The following ABCC2 variants were observed in gnomAD, a reference collection of about 807,000 sequenced individuals.
ABCC2 encodes the protein ATP-binding cassette sub-family C member 2.
ABCC2 carries 157 observed loss-of-function variants against 173.4 expected under a neutral mutation model. The ratio of observed to expected loss-of-function variants is 0.91; its 90% confidence interval spans 0.80 to 1.03. The LOEUF (loss-of-function observed/expected upper bound fraction) is 1.03. Ranked by LOEUF, ABCC2 falls within the 50% of genes least tolerant of loss-of-function variation. ABCC2 has a pLI of 0.00. For missense variants in ABCC2, 1,822 were observed against 1,852.3 expected, an observed-to-expected ratio of 0.98 and a Z score of 0.30; for synonymous variants, 657 against 693.5, an observed-to-expected ratio of 0.95 and a Z score of 0.83.
chr10:99,802,421 G>A (rs1326238045), intron 9 of ABCC2, among the ~76,000 whole-genome samples: 1 of 151,940 alleles, frequency 6.6e-6, no homozygotes, highest in East Asian at 1.9e-4. Context: ...CCCAGACAAG[G>A]GCTACTGGGA....
rs1340053840 is a variant in ABCC2, at chr10:99,814,300, T to C, written c.2094+1156T>C. Reference sequence around the variant, plus strand: ...ACGTATGTATACACACACGTATGTATACACACATGTATATACACACGTATG... The same window carrying C: ...ACGTATGTATACACACACGTATGTACACACACATGTATATACACACGTATG... On this transcript the variant is annotated intron_variant, in intron 16 of 31. Transcript: ENST00000647814. Among the ~76,000 whole-genome samples, 3 of 73,326 alleles carry C rather than the reference T, an allele frequency of 4.1e-5. 1 individual carries two copies. The highest frequency in any genetic ancestry group is 1.3e-4 in the African/African-American group (2 of 15,734). The allele number at this position is 73,326 out of a possible 152,430, so 48.1% of individuals were successfully genotyped here. A position where few individuals can be genotyped will look rare whatever the true frequency, so the allele number is the denominator to read the frequency against.
chr10:99,803,104 G>T (rs1219167456), intron 9 of ABCC2, among the ~76,000 whole-genome samples: 1 of 152,146 alleles, frequency 6.6e-6, no homozygotes, highest in African/African-American at 2.4e-5. Context: ...GAGCAGCTGG[G>T]ATTACAGGTT....
At chr10:99,784,922 T>A (rs2037680078) in intron 2 of ABCC2, 141 bp downstream of exon 2, 2 of 1,026,208 alleles carry the variant, frequency 1.9e-6, no homozygotes, top group Non-Finnish European at 2.9e-6. Flanking sequence ...GCTCAAGGTT[T>A]CCCTCACGGG....
intron 16 of ABCC2, among the ~76,000 whole-genome samples, chr10:99,814,231 G>GTA (rs1564683894): frequency 0.023 from 621 of 26,942 alleles, 127 homozygotes; most frequent in East Asian, 0.053. Flanking sequence ...ATACACACAT[G>GTA]TGTATATATG....
chr10:99,803,973 A>G (rs752633676), intron 9 of ABCC2, 46 bp from the exon 10 acceptor site: 2 of 1,613,192 alleles, frequency 1.2e-6, no homozygotes, highest in South Asian at 2.2e-5. Context: ...ACTCCCTAGT[A>G]TCCTTGGCTT....
At position 99,811,578 on chromosome 10, in the gene ABCC2, A is replaced by G. The variant is rs965012036; in HGVS notation, c.1943A>G (p.His648Arg). Residue 648 changes from histidine (H) to arginine (R), a missense_variant, in exon 15 of 32, where the codon CAT becomes CGT. Coordinates refer to ENST00000647814, the MANE Select transcript of ABCC2 (RefSeq NM_000392.5). Reference sequence around the variant, plus strand: ...TCTGAGGCCTCCTTTACCTGGGAACATGATTCGGAAGCCACAGTCCGAGAG... The same window carrying G: ...TCTGAGGCCTCCTTTACCTGGGAACGTGATTCGGAAGCCACAGTCCGAGAG... ...QFSEASFTWE[H>R]DSEATVRDVN... The G allele has an allele frequency of 3.1e-6, 5 of 1,614,006 alleles. No homozygotes were observed. The highest frequency in any genetic ancestry group is 4.2e-6 in the Non-Finnish European group (5 of 1,180,008).
At position 99,813,035 on chromosome 10, in the gene ABCC2, T is replaced by C. The variant is rs2038243497; in HGVS notation, c.1985T>C (p.Met662Thr). ...TCTTTCAGTGTGAACCTGGACATTA[T>C]GGCAGGCCAACTTGTGGCTGTGATA... is the stretch of plus-strand genomic sequence containing the variant. ...ATVRDVNLDIMAGQLVAVIGP... is the reference protein window; with the variant it reads ...ATVRDVNLDITAGQLVAVIGP... The change falls in exon 16 of 32, where the codon ATG (methionine) becomes ACG (threonine). Residue 662 changes from methionine to threonine, a missense_variant. Met to Thr is a moderately conservative substitution (Grantham distance 81). Coordinates refer to ENST00000647814, the MANE Select transcript of ABCC2 (RefSeq NM_000392.5). 1.9e-6 allele frequency: 3 copies of C among 1,614,024 alleles called. No homozygotes were observed. Among genetic ancestry groups the C allele is most frequent in the Non-Finnish European group, 2.5e-6 (3 of 1,179,896 alleles).
rs2039098559 is a variant in ABCC2, at chr10:99,852,526, AT to A, written c.*898del. Among the ~76,000 whole-genome samples, 1 of 151,980 alleles carries A rather than the reference AT, an allele frequency of 6.6e-6. No individual in the cohort carries two copies. Among genetic ancestry groups the A allele is most frequent in the South Asian group, 2.1e-4 (1 of 4,814 alleles). On this transcript the variant is annotated 3_prime_UTR_variant, in exon 32 of 32. Transcript: ENST00000647814. ...TGTTGGTTTTTACTCATGGTATTTT[AT>A]TTCCTTGTATGTCTTGTGAATTTTT...
chr10:99,811,607 G>C lies in ABCC2; in HGVS notation c.1967+5G>C. 6.2e-7 allele frequency: 1 copy of C among 1,614,084 alleles called. No individual in the cohort carries two copies. The highest frequency in any genetic ancestry group is 8.5e-7 in the Non-Finnish European group (1 of 1,179,978). On this transcript the variant is annotated splice_donor_5th_base_variant and intron_variant, in intron 15 of 31. Coordinates refer to ENST00000647814, the MANE Select transcript of ABCC2 (RefSeq NM_000392.5). Reference sequence around the variant, plus strand: ...TTCGGAAGCCACAGTCCGAGAGTGAGTTGCCTTCTTTCCATCCTAATGTTC... The same window carrying C: ...TTCGGAAGCCACAGTCCGAGAGTGACTTGCCTTCTTTCCATCCTAATGTTC...
At position 99,842,002 on chromosome 10, in the gene ABCC2, T is replaced by C. The variant is rs1283644213; in HGVS notation, c.3650T>C (p.Leu1217Pro). Residue 1217 changes from leucine to proline, a missense_variant, in exon 26 of 32, where the codon CTG (leucine) becomes CCG (proline). Leu to Pro is a moderately conservative substitution (Grantham distance 98). Transcript: ENST00000647814. ...LAIRLELVGN[L>P]TVFFSALMMV... is the part of the protein sequence containing the mutation. Reference sequence around the variant, plus strand: ...ATTCGCCTGGAGCTGGTTGGGAACCTGACTGTCTTCTTTTCAGCCTTGATG... The same window carrying C: ...ATTCGCCTGGAGCTGGTTGGGAACCCGACTGTCTTCTTTTCAGCCTTGATG... 5.0e-6 allele frequency: 8 copies of C among 1,614,224 alleles called. No individual in the cohort carries two copies. The highest frequency in any genetic ancestry group is 1.3e-5 in the African/African-American group (1 of 75,050).
chr10:99,813,124 C>T lies in ABCC2; in HGVS notation c.2074C>T (p.His692Tyr). 1.9e-6 allele frequency: 3 copies of T among 1,613,886 alleles called. No individual in the cohort carries two copies. The highest frequency in any genetic ancestry group is 2.5e-6 in the Non-Finnish European group (3 of 1,179,866). Reference protein sequence around the residue: ...SAMLGEMENVHGHITIKGTTA... With the variant: ...SAMLGEMENVYGHITIKGTTA... ...CATGCTGGGAGAAATGGAAAATGTC[C>T]ACGGGCACATCACCATCAAGGTGAG... The change falls in exon 16 of 32, where the codon CAC (histidine) becomes TAC (tyrosine). Residue 692 changes from histidine (H) to tyrosine (Y), a missense_variant. Transcript: ENST00000647814.
In ABCC2 at chr10:99,792,332, C is replaced by G. The variant is rs559908064; in HGVS notation, c.306C>G (p.Thr102=). 1 of 1,613,978 alleles carries G rather than the reference C, an allele frequency of 6.2e-7. No individual in the cohort carries two copies. Among genetic ancestry groups the G allele is most frequent in the African/African-American group, 1.3e-5 (1 of 74,932 alleles). The change falls in exon 3 of 32, where the codon ACC becomes ACG. Residue 102 remains threonine (T), a synonymous_variant. Coordinates refer to ENST00000647814, the MANE Select transcript of ABCC2 (RefSeq NM_000392.5). ...CCACAGTCCCTGCTGTTCGATATAC[C>G]AATCCAAGCCTCTACCTAGGCACAT... ...GQATVPAVRY[T]NPSLYLGTWL...
At chr10:99,825,831 C>T (rs761100809) in intron 19 of ABCC2, among the ~76,000 whole-genome samples, 2 of 152,140 alleles carry the variant, frequency 1.3e-5, no homozygotes, top group African/African-American at 4.8e-5. Flanking sequence ...GCTGCACTGC[C>T]GCTCGTGGCG....
rs761406918 is a variant in ABCC2 at position 99,843,868 on chromosome 10, C to T, written c.3811C>T (p.Arg1271Ter). ...EIETNIVAVE[R>*]ITEYTKVENE... ...AGAGACCAACATTGTGGCTGTTGAG[C>T]GAATAACTGAGTACACAAAAGTGGA... is the stretch of plus-strand genomic sequence containing the variant. The change falls in exon 27 of 32, where the codon CGA becomes TGA. Residue 1271 changes from arginine (R) to a stop codon, truncating the protein, a stop_gained. Transcript: ENST00000647814. LOFTEE classifies it high-confidence loss of function. 1.2e-5 allele frequency: 20 copies of T among 1,613,984 alleles called. No homozygotes were observed. The highest frequency in any genetic ancestry group is 3.3e-4 in the Middle Eastern group (2 of 6,062).
At chr10:99,784,902 G>A (rs1456870678) in intron 2 of ABCC2, 121 bp downstream of exon 2, 28 of 1,262,918 alleles carry the variant, frequency 2.2e-5, no homozygotes, top group Non-Finnish European at 2.6e-5. Flanking sequence ...ATTGTCTCAG[G>A]TAGAGCCAGG....
Position 99,814,213 on chromosome 10 carries a change from G to A in ABCC2, c.2094+1069G>A, listed in dbSNP as rs1395128666. Among the ~76,000 whole-genome samples, 9 of 54,618 alleles carry A rather than the reference G, an allele frequency of 1.6e-4. 1 individual carries two copies. Among genetic ancestry groups the A allele is most frequent in the Admixed American group, 5.4e-4 (3 of 5,600 alleles). 35.8% of individuals were successfully genotyped at this position (54,618 alleles called of 152,430 possible). ...CACACATGTGTATATATACACACAT[G>A]TGTATATATACACACATGTGTATAT... On this transcript the variant is annotated intron_variant, in intron 16 of 31. Transcript: ENST00000647814.
intron 2 of ABCC2, among the ~76,000 whole-genome samples, chr10:99,786,371 A>C (rs1211264746): frequency 6.6e-6 from 1 of 152,262 alleles, no homozygotes; most frequent in African/African-American, 2.4e-5. Context: ...ACATTTAATA[A>C]CATTCTCAGT....
At chr10:99,845,809 A>G in intron 29 of ABCC2, 27 bp downstream of exon 29, 1 of 1,598,166 alleles carries the variant, frequency 6.3e-7, no homozygotes, top group Non-Finnish European at 8.5e-7. Flanking sequence ...ACTCGGGCAC[A>G]TGCCGTGGGG....
intron 17 of ABCC2, among the ~76,000 whole-genome samples, chr10:99,817,985 A>G (rs1370602047): frequency 2.0e-5 from 3 of 152,174 alleles, no homozygotes; most frequent in Non-Finnish European, 4.4e-5. Flanking sequence ...GCACTTTGGG[A>G]GGCCAAGGTG....
Sources: allele counts gnomAD v4.1 joint callset (sites outside exome capture counted in the v4.1 genomes callset), GRCh38; gene constraint gnomAD v4.1.1; transcripts MANE v1.5; gene names NCBI Gene and HGNC (gene_info 2026-07-23, HGNC 2026-07-21).